Variants in NEGR1 observed in about 807,000 individuals in gnomAD.
NEGR1 encodes neuronal growth regulator 1, also known as IgLON family member 4.
NEGR1 carries 10 observed loss-of-function variants against 40.9 expected under a neutral mutation model. That is an observed-to-expected ratio of 0.24 (90% CI 0.15 to 0.42). NEGR1 has a LOEUF of 0.42. Among genes scored for constraint, NEGR1 ranks in the 10% least tolerant of loss-of-function variants. The pLI is 1.00. For missense variants in NEGR1, 352 were observed against 438.9 expected, an observed-to-expected ratio of 0.80 and a Z score of 1.77; for synonymous variants, 185 against 166.8, an observed-to-expected ratio of 1.11 and a Z score of -0.84.
intron 4 of NEGR1, among the ~76,000 whole-genome samples, chr1:71,629,353 C>T (rs985948852): frequency 4.0e-5 from 6 of 151,870 alleles, no homozygotes; most frequent in Non-Finnish European, 7.4e-5. Flanking sequence ...GATATTGATT[C>T]TTCCTATCCA....
At position 71,612,521 on chromosome 1, in the gene NEGR1, GTAACAAATGGGGAGACAGACTA is replaced by G. The variant is rs551102227; in HGVS notation, c.668-1397_668-1376del. ...TGATGAAGCTTATATTCTAGATGGG[GTAACAAATGGGGAGACAGACTA>G]TAAACAGCAAATATCACAAATAAGT... On this transcript the variant is annotated intron_variant, in intron 4 of 6. Coordinates refer to ENST00000357731, the MANE Select transcript of NEGR1 (RefSeq NM_173808.3). Among the ~76,000 whole-genome samples the G allele has an allele frequency of 2.5e-3, 385 of 152,228 alleles. 2 individuals are homozygous for G. Among genetic ancestry groups the G allele is most frequent in the African/African-American group, 8.6e-3 (356 of 41,538 alleles).
At position 72,237,502 on chromosome 1, in the gene NEGR1, C is replaced by T. The variant is rs74439116; in HGVS notation, c.176+44817G>A. On this transcript the variant is annotated intron_variant, in intron 1 of 6. Coordinates refer to ENST00000357731, the MANE Select transcript of NEGR1 (RefSeq NM_173808.3). ...CATTACTTCTCCCAAAATGCTCCACCTTCTACTACCGTCACCTTCAGGCTT... is the reference window on the plus strand; with the variant it reads ...CATTACTTCTCCCAAAATGCTCCACTTTCTACTACCGTCACCTTCAGGCTT... Among the ~76,000 whole-genome samples the T allele has an allele frequency of 2.5e-4, 38 of 152,010 alleles. No homozygotes were observed. The East Asian group carries it at 6.4e-3, about 25-fold the overall frequency.
At chr1:71,614,324 A>G (rs1415864630) in intron 4 of NEGR1, among the ~76,000 whole-genome samples, 1 of 152,022 alleles carries the variant, frequency 6.6e-6, no homozygotes, top group Non-Finnish European at 1.5e-5. Context: ...CCTTATATAT[A>G]CACATTTATC....
intron 2 of NEGR1, among the ~76,000 whole-genome samples, chr1:71,865,036 G>GT (rs1209414355): frequency 6.6e-6 from 1 of 152,102 alleles, no homozygotes; most frequent in African/African-American, 2.4e-5. Context: ...TTTCTAACAA[G>GT]TTTTTCAATG....
chr1:71,617,591 G>T (rs1030269739), intron 4 of NEGR1, among the ~76,000 whole-genome samples: 3 of 152,144 alleles, frequency 2.0e-5, no homozygotes, highest in Admixed American at 6.5e-5. Context: ...ACAGCTTTCT[G>T]GTTTCACTAT....
intron 1 of NEGR1, among the ~76,000 whole-genome samples, chr1:72,086,063 T>C (rs958396652): frequency 3.3e-5 from 5 of 150,868 alleles, no homozygotes; most frequent in African/African-American, 7.3e-5. Flanking sequence ...TAGAGCAAAA[T>C]GTCCTCACTG....
At chr1:71,630,116 G>C (rs2101563312) in intron 4 of NEGR1, among the ~76,000 whole-genome samples, 1 of 151,994 alleles carries the variant, frequency 6.6e-6, no homozygotes, top group South Asian at 2.1e-4. Context: ...TCAAATAAAT[G>C]CATATCCTTG....
chr1:71,630,553 T>C (rs936619707), intron 4 of NEGR1, among the ~76,000 whole-genome samples: 3 of 151,908 alleles, frequency 2.0e-5, no homozygotes, highest in African/African-American at 7.2e-5. Context: ...CATAAAATAA[T>C]GGTCCATTAT....
chr1:72,129,883 A>C (rs1461229475), intron 1 of NEGR1, among the ~76,000 whole-genome samples: 3 of 152,176 alleles, frequency 2.0e-5, no homozygotes, highest in African/African-American at 7.2e-5. Context: ...ACTTTTCACT[A>C]TCTGGACTGT....
At chr1:72,011,568 A>G (rs1337169729) in intron 1 of NEGR1, among the ~76,000 whole-genome samples, 2 of 152,170 alleles carry the variant, frequency 1.3e-5, no homozygotes, top group East Asian at 3.9e-4. Flanking sequence ...AAGGGATGCC[A>G]GGAATTAATG....
intron 6 of NEGR1, among the ~76,000 whole-genome samples, chr1:71,590,779 C>T (rs1349060072): frequency 6.6e-6 from 1 of 152,072 alleles, no homozygotes; most frequent in Non-Finnish European, 1.5e-5. Flanking sequence ...GTCATATTGC[C>T]TTGTATCTGT....
chr1:71,666,538 G>T (rs1652248686), intron 4 of NEGR1, among the ~76,000 whole-genome samples: 1 of 152,068 alleles, frequency 6.6e-6, no homozygotes, highest in Non-Finnish European at 1.5e-5. Flanking sequence ...GTTTACCTTT[G>T]GAAATACCAC....
At chr1:71,422,159 C>T (rs1184227755) in intron 6 of NEGR1, among the ~76,000 whole-genome samples, 2 of 152,082 alleles carry the variant, frequency 1.3e-5, no homozygotes, top group Non-Finnish European at 2.9e-5. Context: ...AAAAAACTCA[C>T]GAATACAAAT....
At chr1:71,485,928 T>A (rs1646884927) in intron 6 of NEGR1, among the ~76,000 whole-genome samples, 1 of 151,694 alleles carries the variant, frequency 6.6e-6, no homozygotes, top group Admixed American at 6.6e-5. Flanking sequence ...GCAGACATAA[T>A]TTTTCAACTC....
At chr1:71,568,127 A>G (rs1054398741) in intron 6 of NEGR1, among the ~76,000 whole-genome samples, 3 of 152,246 alleles carry the variant, frequency 2.0e-5, no homozygotes, top group African/African-American at 4.8e-5. Context: ...TACTCTGTGT[A>G]TCAAGAGAAA....
chr1:71,833,282 A>C (rs2101793185), intron 2 of NEGR1, among the ~76,000 whole-genome samples: 1 of 152,212 alleles, frequency 6.6e-6, no homozygotes, highest in East Asian at 1.9e-4. Flanking sequence ...AGATGTTAGG[A>C]CTTTGCTTTG....
intron 3 of NEGR1, among the ~76,000 whole-genome samples, chr1:71,717,620 A>G (rs1367383763): frequency 6.6e-6 from 1 of 152,192 alleles, no homozygotes; most frequent in Non-Finnish European, 1.5e-5. Context: ...AAAGAAATAT[A>G]ATTCTTCAAT....
chr1:71,973,607 A>T (rs924548029), intron 1 of NEGR1, among the ~76,000 whole-genome samples: 1 of 152,180 alleles, frequency 6.6e-6, no homozygotes, highest in Non-Finnish European at 1.5e-5. Context: ...AAGTTTTGAA[A>T]ATTATTTGAT....
chr1:71,807,534 G>C lies in NEGR1; in HGVS notation c.410-31237C>G, dbSNP rs531391498. Among the ~76,000 whole-genome samples, 15 of 152,216 alleles carry C rather than the reference G, an allele frequency of 9.9e-5. 1 individual carries two copies. The South Asian group carries it at 1.9e-3, about 19-fold the overall frequency. Reference sequence around the variant, plus strand: ...TCTAATGATTTAATGAATTCCTCTTGAAGAGGAATTGAGGTTAATGGAAAT... The same window carrying C: ...TCTAATGATTTAATGAATTCCTCTTCAAGAGGAATTGAGGTTAATGGAAAT... On this transcript the variant is annotated intron_variant, in intron 2 of 6. Coordinates refer to ENST00000357731, the MANE Select transcript of NEGR1 (RefSeq NM_173808.3).
Sources: allele counts gnomAD v4.1 joint callset (sites outside exome capture counted in the v4.1 genomes callset), GRCh38; gene constraint gnomAD v4.1.1; transcripts MANE v1.5; gene names NCBI Gene and HGNC (gene_info 2026-07-23, HGNC 2026-07-21).